Variants in PTPRA observed in about 807,000 individuals in gnomAD.
PTPRA encodes the protein protein tyrosine phosphatase receptor type A.
Under a neutral mutation model 104.8 loss-of-function variants are expected in PTPRA, and 25 were observed. That is an observed-to-expected ratio of 0.24 (90% CI 0.17 to 0.33). The LOEUF is 0.33. Ranked by LOEUF, PTPRA falls within the 10% of genes least tolerant of loss-of-function variation. PTPRA has a pLI of 1.00. For synonymous variants in PTPRA, 323 were observed against 368.9 expected (o/e 0.88, Z 1.43); for missense variants, 765 against 1,015.3 (o/e 0.75, Z 3.35).
chr20:2,991,174 G>T (rs2063156642), intron 9 of PTPRA, among the ~76,000 whole-genome samples: 1 of 151,962 alleles, frequency 6.6e-6, no homozygotes, highest in Non-Finnish European at 1.5e-5. Flanking sequence ...GCTAACATGG[G>T]GCAATCCCAT....
rs1274173920 is a variant in PTPRA, at chr20:2,980,674, C to T, written c.442+5433C>T. On this transcript the variant is annotated intron_variant, in intron 6 of 23. Transcript: ENST00000399903. ...AGACCAGCCTGGGCAACAACAAGAC[C>T]CCCTCCCCCCATCTCTACAAAAAAT... Among the ~76,000 whole-genome samples, 4 of 152,106 alleles carry T rather than the reference C, an allele frequency of 2.6e-5. No individual in the cohort carries two copies. The East Asian group carries it at 7.7e-4, about 29-fold the overall frequency.
intron 5 of PTPRA, among the ~76,000 whole-genome samples, chr20:2,966,628 T>C (rs1256164316): frequency 6.6e-6 from 1 of 152,258 alleles, no homozygotes; most frequent in African/African-American, 2.4e-5. Flanking sequence ...TAGTTATTAC[T>C]GTGTGCTAGG....
intron 1 of PTPRA, among the ~76,000 whole-genome samples, chr20:2,904,395 G>A (rs1166512154): frequency 1.3e-5 from 2 of 152,036 alleles, no homozygotes; most frequent in Non-Finnish European, 2.9e-5. Flanking sequence ...TGCTGGCCAG[G>A]CGCGGTGGCT....
chr20:3,033,801 G>A (rs1231082791), intron 20 of PTPRA, among the ~76,000 whole-genome samples: 2 of 151,558 alleles, frequency 1.3e-5, no homozygotes, highest in African/African-American at 4.9e-5. Flanking sequence ...TGGGGAGGCT[G>A]AGGCAGGAGA....
At chr20:3,023,132 C>T (rs2064963244) in intron 16 of PTPRA, among the ~76,000 whole-genome samples, 1 of 152,212 alleles carries the variant, frequency 6.6e-6, no homozygotes, top group Non-Finnish European at 1.5e-5. Flanking sequence ...GGATTTAGGG[C>T]TGTGCAGGAT....
At chr20:3,009,853 AT>A (rs11480529) in intron 11 of PTPRA, among the ~76,000 whole-genome samples, 41 of 146,368 alleles carry the variant, frequency 2.8e-4, no homozygotes, top group Non-Finnish European at 4.8e-4. Context: ...AGATGGGAAC[AT>A]TTTTTTTTTT....
chr20:2,941,980 A>C (rs2060941092), intron 2 of PTPRA, among the ~76,000 whole-genome samples: 1 of 152,146 alleles, frequency 6.6e-6, no homozygotes, highest in African/African-American at 2.4e-5. Context: ...GTTTAATGTC[A>C]GTTTTCTGCT....
chr20:2,949,566 A>G (rs1321376146), intron 3 of PTPRA, among the ~76,000 whole-genome samples: 3 of 152,132 alleles, frequency 2.0e-5, no homozygotes, highest in South Asian at 2.1e-4. Context: ...GTGCCATTAC[A>G]GTGGCATGAG....
At chr20:2,966,703 A>G (rs955548125) in intron 5 of PTPRA, among the ~76,000 whole-genome samples, 19 of 152,204 alleles carry the variant, frequency 1.2e-4, no homozygotes, top group African/African-American at 3.4e-4. Flanking sequence ...TTTATAGGTG[A>G]AAGTATTTTA....
intron 13 of PTPRA, among the ~76,000 whole-genome samples, chr20:3,018,430 A>G (rs2064586058): frequency 6.6e-6 from 1 of 151,090 alleles, no homozygotes; most frequent in Non-Finnish European, 1.5e-5. Flanking sequence ...ATGACTCTTA[A>G]CGAGCCTGCT....
intron 3 of PTPRA, among the ~76,000 whole-genome samples, chr20:2,955,928 A>G (rs2061521084): frequency 6.6e-6 from 1 of 151,660 alleles, no homozygotes; most frequent in Non-Finnish European, 1.5e-5. Flanking sequence ...CTCTAATACC[A>G]CACATTCTCC....
chr20:2,923,359 A>C, intron 2 of PTPRA, 74 bp downstream of exon 2: 1 of 1,058,616 alleles, frequency 9.4e-7, no homozygotes, highest in Non-Finnish European at 1.2e-6. Context: ...AGCTAACATC[A>C]CATGCTTTCC....
At chr20:2,897,627 A>G (rs1028516386) in intron 1 of PTPRA, among the ~76,000 whole-genome samples, 1 of 152,152 alleles carries the variant, frequency 6.6e-6, no homozygotes, top group Admixed American at 6.5e-5. Context: ...ACCTCAGATG[A>G]TCTGCCCACC....
intron 11 of PTPRA, among the ~76,000 whole-genome samples, chr20:3,010,474 A>G (rs1250424429): frequency 6.6e-6 from 1 of 151,888 alleles, no homozygotes; most frequent in Non-Finnish European, 1.5e-5. Flanking sequence ...TAAAAATACA[A>G]AAAATTAGTC....
intron 3 of PTPRA, among the ~76,000 whole-genome samples, chr20:2,948,483 T>G (rs1439871987): frequency 6.6e-6 from 1 of 152,222 alleles, no homozygotes; most frequent in African/African-American, 2.4e-5. Context: ...TTTCATTACA[T>G]TCATCTAGCA....
intron 11 of PTPRA, among the ~76,000 whole-genome samples, chr20:3,008,728 T>TAAAAAAAAAA (rs763235190): frequency 1.6e-5 from 1 of 63,668 alleles, no homozygotes; most frequent in Non-Finnish European, 3.4e-5. Flanking sequence ...TCATCTCTAC[T>TAAAAAAAAAA]AAAAAAAAAA....
At chr20:2,909,212 C>T (rs1355225099) in intron 1 of PTPRA, among the ~76,000 whole-genome samples, 1 of 152,176 alleles carries the variant, frequency 6.6e-6, no homozygotes, top group Admixed American at 6.5e-5. Flanking sequence ...TCCCTTGAGT[C>T]TGGGAGGTCG....
chr20:2,969,210 C>CT (rs1265355767), intron 5 of PTPRA, among the ~76,000 whole-genome samples: 5 of 147,924 alleles, frequency 3.4e-5, no homozygotes, highest in Admixed American at 1.3e-4. Context: ...GAGACTCTAT[C>CT]TCAAAAAAAA....
intron 5 of PTPRA, among the ~76,000 whole-genome samples, chr20:2,973,645 C>G (rs987906740): frequency 6.6e-6 from 1 of 152,078 alleles, no homozygotes; most frequent in Non-Finnish European, 1.5e-5. Flanking sequence ...CCAACCACTG[C>G]GAAGGACAAA....
Sources: gnomAD v4.1 joint callset for allele counts (sites outside exome capture counted in the v4.1 genomes callset) on GRCh38, gnomAD v4.1.1 for gene constraint, MANE v1.5 for transcripts, NCBI Gene and HGNC (gene_info 2026-07-23, HGNC 2026-07-21) for gene names.